Variants in PPP1R16A observed in about 807,000 individuals in gnomAD.
PPP1R16A encodes protein phosphatase 1 regulatory subunit 16A, also known as myosin phosphatase-targeting subunit 3.
PPP1R16A carries 39 observed loss-of-function variants against 46.6 expected under a neutral mutation model. The ratio of observed to expected loss-of-function variants is 0.84; its 90% CI spans 0.65 to 1.09. The LOEUF (loss-of-function observed/expected upper bound fraction) is 1.09. PPP1R16A is among the 50% of genes least tolerant of loss of function. The pLI is 0.00. For synonymous variants in PPP1R16A, 413 were observed against 321.5 expected, an observed-to-expected ratio of 1.28 and a Z score of -3.04; for missense variants, 798 against 735.6, an observed-to-expected ratio of 1.08 and a Z score of -0.98.
rs1302916215 is a variant in PPP1R16A at position 144,497,420 on chromosome 8, C to T, written c.226C>T (p.Leu76=). The part of the protein sequence containing the change: ...QVLFPPSVVL[L]EAAARNDLEE... ...CCTCTTCCCTCCCAGTGTTGTCCTT[C>T]TGGAGGCCGCTGCCCGAAATGACCT... Residue 76 remains leucine, a synonymous_variant, in exon 3 of 12, where the codon CTG becomes TTG. Transcript: ENST00000435887. The T allele has an allele frequency of 1.9e-6, 3 of 1,613,030 alleles. No homozygotes were observed. Among genetic ancestry groups the T allele is most frequent in the Non-Finnish European group, 2.5e-6 (3 of 1,180,026 alleles).
chr8:144,486,752 G>C (rs908536000), intron 1 of PPP1R16A, among the ~76,000 whole-genome samples: 5 of 152,180 alleles, frequency 3.3e-5, no homozygotes, highest in African/African-American at 1.2e-4. Context: ...CTTGACAGCA[G>C]TCCTTTGTTC....
intron 2 of PPP1R16A, among the ~76,000 whole-genome samples, chr8:144,492,334 CTTTTTT>C (rs5895821): frequency 0.026 from 3,407 of 131,746 alleles, 133 homozygotes; most frequent in African/African-American, 0.091. Flanking sequence ...AAAAGGTGTA[CTTTTTT>C]TTTTTTTTTT....
At position 144,498,137 on chromosome 8, in the gene PPP1R16A, G is replaced by A. The variant is rs1230734142; in HGVS notation, c.260-633G>A. ...CAGTGTCTGGCCTGCATCTTTCCAT[G>A]TGGACAGGAGCCCTCCCGGGAGGCC... On this transcript the variant is annotated intron_variant, in intron 3 of 11. Coordinates refer to ENST00000435887, the MANE Select transcript of PPP1R16A (RefSeq NM_001329443.2). The A allele has an allele frequency of 1.1e-5, 5 of 452,690 alleles. 1 individual carries two copies. Among genetic ancestry groups the A allele is most frequent in the East Asian group, 7.0e-5 (1 of 14,294 alleles). 28.0% of individuals were successfully genotyped at this position (452,690 alleles called of 1,614,324 possible).
intron 1 of PPP1R16A, among the ~76,000 whole-genome samples, chr8:144,485,480 C>T (rs1350739570): frequency 2.7e-5 from 4 of 150,588 alleles, no homozygotes; most frequent in East Asian, 1.9e-4. Context: ...GCTGAGATTG[C>T]GCCACTGCAC....
At chr8:144,500,654 A>T in intron 8 of PPP1R16A, 32 bp from the exon 9 acceptor site, 1 of 1,606,794 alleles carries the variant, frequency 6.2e-7, no homozygotes, top group South Asian at 1.1e-5. Flanking sequence ...CTTCCAGCGC[A>T]GCAGTCTGCA....
In PPP1R16A at chr8:144,500,978, G is replaced by A. The variant is rs1826411512; in HGVS notation, c.1037+7G>A. On this transcript the variant is annotated splice_region_variant and intron_variant, in intron 10 of 11. Transcript: ENST00000435887. ...CCAGCGCCGGCAGCCGCGGGTGAGC[G>A]CCGCCCCCAGCAGGCCCCGCCCCGG... The A allele has an allele frequency of 2.8e-6, 4 of 1,440,602 alleles. No individual in the cohort carries two copies. Among genetic ancestry groups the A allele is most frequent in the East Asian group, 2.8e-5 (1 of 35,290 alleles). The allele number at this position is 1,440,602 out of a possible 1,614,324, so 89.2% of individuals were successfully genotyped here.
chr8:144,497,416 C>A lies in PPP1R16A; in HGVS notation c.222C>A (p.Val74=). 1 of 1,613,058 alleles carries A rather than the reference C, an allele frequency of 6.2e-7. No homozygotes were observed. The highest frequency in any genetic ancestry group is 8.5e-7 in the Non-Finnish European group (1 of 1,180,014). The stretch of plus-strand genomic sequence containing the variant: ...AGGTCCTCTTCCCTCCCAGTGTTGT[C>A]CTTCTGGAGGCCGCTGCCCGAAATG... The part of the protein sequence containing the change: ...LKQVLFPPSV[V]LLEAAARNDL... The change falls in exon 3 of 12, where the codon GTC becomes GTA. Residue 74 remains valine, a synonymous_variant. Coordinates refer to ENST00000435887, the MANE Select transcript of PPP1R16A (RefSeq NM_001329443.2).
At chr8:144,480,867 G>A (rs1250420396) in intron 1 of PPP1R16A, among the ~76,000 whole-genome samples, 4 of 151,730 alleles carry the variant, frequency 2.6e-5, no homozygotes, top group East Asian at 1.9e-4. Flanking sequence ...TGTGTGATGG[G>A]TTTTGTTTAA....
chr8:144,498,260 C>A, intron 3 of PPP1R16A: 1 of 359,728 alleles, frequency 2.8e-6, no homozygotes. Context: ...TCAGGGAGAA[C>A]CCTGGTGACC....
chr8:144,482,655 CTTTTTTT>C (rs1192242667), intron 1 of PPP1R16A, among the ~76,000 whole-genome samples: 1 of 118,496 alleles, frequency 8.4e-6, no homozygotes, highest in Non-Finnish European at 1.8e-5. Flanking sequence ...GCCCAGCTAA[CTTTTTTT>C]TTTTTTTTTT....
chr8:144,497,049 G>A lies in PPP1R16A; in HGVS notation c.-146G>A. ...GCCTGGTTATTGTGTGGGGCCTCCT[G>A]ACCCAGCCAAGGGCACGAAGCTCTG... On this transcript the variant is annotated 5_prime_UTR_variant, in exon 3 of 12. An upstream open reading frame in the 5' UTR loses its in-frame stop. Transcript: ENST00000435887. 1 of 1,118,180 alleles carries A rather than the reference G, an allele frequency of 8.9e-7. No homozygotes were observed. Among genetic ancestry groups the A allele is most frequent in the African/African-American group, 1.5e-5 (1 of 64,782 alleles). 69.3% of individuals were successfully genotyped at this position (1,118,180 alleles called of 1,614,324 possible).
chr8:144,497,815 T>C (rs1340062206), intron 3 of PPP1R16A: 9 of 397,458 alleles, frequency 2.3e-5, no homozygotes, highest in South Asian at 1.6e-4. Context: ...CTGCTTCTTG[T>C]TAGGCTGCTC....
chr8:144,500,076 C>G lies in PPP1R16A; in HGVS notation c.477-20C>G. 6.3e-7 allele frequency: 1 copy of G among 1,592,628 alleles called. No individual in the cohort carries two copies. Among genetic ancestry groups the G allele is most frequent in the Non-Finnish European group, 8.5e-7 (1 of 1,170,098 alleles). On this transcript the variant is annotated intron_variant, in intron 5 of 11. Transcript: ENST00000435887. Reference sequence around the variant, plus strand: ...CGGGGAAGGGCCTTGTGCCCAGCACCCCGTCCGTCTTCCCTGCAGTGGCGC... The same window carrying G: ...CGGGGAAGGGCCTTGTGCCCAGCACGCCGTCCGTCTTCCCTGCAGTGGCGC...
intron 10 of PPP1R16A, 32 bp downstream of exon 10, chr8:144,501,003 G>A: frequency 6.9e-7 from 1 of 1,450,294 alleles, no homozygotes; most frequent in Non-Finnish European, 9.0e-7. Flanking sequence ...CCCCGCCCCG[G>A]GCTTGGCCCC....
intron 2 of PPP1R16A, among the ~76,000 whole-genome samples, chr8:144,490,616 A>G (rs1051632253): frequency 4.6e-5 from 7 of 152,140 alleles, no homozygotes; most frequent in African/African-American, 1.4e-4. Flanking sequence ...AACGGTGAAC[A>G]GTCACTCTGG....
At chr8:144,499,654 G>A (rs935558512) in intron 5 of PPP1R16A, 2 of 196,218 alleles carry the variant, frequency 1.0e-5, no homozygotes, top group Non-Finnish European at 2.1e-5. Context: ...CCACAGGTAG[G>A]CCTGCTCCTC....
At chr8:144,486,246 AG>A (rs2130246358) in intron 1 of PPP1R16A, among the ~76,000 whole-genome samples, 1 of 152,090 alleles carries the variant, frequency 6.6e-6, no homozygotes, top group East Asian at 1.9e-4. Context: ...TTGTATTTGT[AG>A]TACAGATGGG....
chr8:144,487,073 C>T (rs983029376), intron 1 of PPP1R16A, among the ~76,000 whole-genome samples: 1 of 149,812 alleles, frequency 6.7e-6, no homozygotes, highest in Non-Finnish European at 1.5e-5. Flanking sequence ...CTGCAACCTC[C>T]ACCTCCCAGA....
intron 3 of PPP1R16A, chr8:144,497,741 C>G: frequency 1.8e-6 from 1 of 548,976 alleles, no homozygotes; most frequent in Non-Finnish European, 3.3e-6. Flanking sequence ...GAGTGGACCC[C>G]CAGGAGCCTG....
Sources: gnomAD v4.1 joint callset for allele counts (sites outside exome capture counted in the v4.1 genomes callset) on GRCh38, gnomAD v4.1.1 for gene constraint, MANE v1.5 for transcripts, NCBI Gene and HGNC (gene_info 2026-07-23, HGNC 2026-07-21) for gene names.